PGCKA1: variants seen among roughly 807,000 people sequenced by gnomAD.
PGCKA1 encodes PDCD10 and GCKIII kinases-associated protein 1.
chr4:37,566,336 A>G, the PGCKA1 span, among the ~76,000 whole-genome samples: 1 of 151,270 alleles, frequency 6.6e-6, no homozygotes. Flanking sequence ...GCTGGAGTGC[A>G]GTGGCCTGAT....
chr4:37,567,277 A>C, the PGCKA1 span, among the ~76,000 whole-genome samples: 1 of 152,212 alleles, frequency 6.6e-6, no homozygotes, highest in Non-Finnish European at 1.5e-5. Flanking sequence ...GAAATGAGTT[A>C]ATACATGAAA....
chr4:37,495,861 A>G, the PGCKA1 span, among the ~76,000 whole-genome samples: 2 of 145,506 alleles, frequency 1.4e-5, no homozygotes, highest in Non-Finnish European at 3.0e-5. Context: ...ATAATTTAAG[A>G]AAAAAAAAAG....
chr4:37,545,012 C>T, the PGCKA1 span, among the ~76,000 whole-genome samples: 2 of 151,992 alleles, frequency 1.3e-5, no homozygotes, highest in Non-Finnish European at 2.9e-5. Flanking sequence ...TGTACCACCA[C>T]ACCTGGCTAA....
the PGCKA1 span, among the ~76,000 whole-genome samples, chr4:37,486,993 G>A: frequency 2.0e-4 from 30 of 152,278 alleles, no homozygotes; most frequent in Middle Eastern, 3.4e-3. Context: ...CACAGAGATA[G>A]CATGTATAAA....
the PGCKA1 span, among the ~76,000 whole-genome samples, chr4:37,536,836 A>C: frequency 1.3e-5 from 2 of 152,232 alleles, no homozygotes; most frequent in Non-Finnish European, 2.9e-5. Context: ...TGATAGCTTA[A>C]CCAGGATATC....
At chr4:37,591,161 G>A in the PGCKA1 span, 1 of 617,414 alleles carries the variant, frequency 1.6e-6, no homozygotes, top group Non-Finnish European at 2.8e-6. Flanking sequence ...TCTGTCCCAT[G>A]CTGCTTGTCA....
At chr4:37,512,111 A>T in the PGCKA1 span, among the ~76,000 whole-genome samples, 23 of 152,196 alleles carry the variant, frequency 1.5e-4, no homozygotes, top group African/African-American at 5.5e-4. Context: ...AGGATGGGGG[A>T]ATGGTGGTGT....
chr4:37,504,408 C>T, the PGCKA1 span, among the ~76,000 whole-genome samples: 1 of 151,800 alleles, frequency 6.6e-6, no homozygotes, highest in East Asian at 1.9e-4. Context: ...CTTGGCTACT[C>T]TAGGTCTTTT....
At chr4:37,534,661 G>C in the PGCKA1 span, among the ~76,000 whole-genome samples, 1 of 152,152 alleles carries the variant, frequency 6.6e-6, no homozygotes, top group Admixed American at 6.5e-5. Context: ...TGTCTGGCGA[G>C]GGCTTGCTGT....
chr4:37,590,208 G>A, the PGCKA1 span: 2 of 1,614,098 alleles, frequency 1.2e-6, no homozygotes, highest in Admixed American at 1.7e-5. Flanking sequence ...AAGTCTTGGT[G>A]CAGAAAAATG....
chr4:37,580,232 G>T, the PGCKA1 span, among the ~76,000 whole-genome samples: 1 of 149,540 alleles, frequency 6.7e-6, no homozygotes, highest in Admixed American at 6.6e-5. Flanking sequence ...TAAGTTTTCT[G>T]TCAGAAAAGT....
chr4:37,558,240 G>A, the PGCKA1 span, among the ~76,000 whole-genome samples: 2,142 of 152,264 alleles, frequency 0.014, 111 homozygotes, highest in East Asian at 0.14. Flanking sequence ...ACTCACTCAG[G>A]TTTGAGTAGA....
the PGCKA1 span, among the ~76,000 whole-genome samples, chr4:37,539,080 G>T: frequency 6.6e-6 from 1 of 152,146 alleles, no homozygotes; most frequent in African/African-American, 2.4e-5. Flanking sequence ...TAAGGAATCT[G>T]GGAGTGGCCA....
chr4:37,455,906 A>G, the PGCKA1 span, among the ~76,000 whole-genome samples: 2 of 152,184 alleles, frequency 1.3e-5, no homozygotes, highest in African/African-American at 4.8e-5. Flanking sequence ...ATAATTGAAT[A>G]CCAGCCTTCC....
chr4:37,483,310 C>T, the PGCKA1 span, among the ~76,000 whole-genome samples: 1 of 152,144 alleles, frequency 6.6e-6, no homozygotes, highest in Non-Finnish European at 1.5e-5. Flanking sequence ...TACCCAGTCT[C>T]GGATATGTCT....
the PGCKA1 span, among the ~76,000 whole-genome samples, chr4:37,503,441 C>A: frequency 2.6e-5 from 4 of 152,196 alleles, no homozygotes; most frequent in African/African-American, 9.7e-5. Flanking sequence ...AGCCATCTCA[C>A]CCCAAGCCAG....
At chr4:37,560,431 G>A in the PGCKA1 span, among the ~76,000 whole-genome samples, 1 of 152,080 alleles carries the variant, frequency 6.6e-6, no homozygotes, top group African/African-American at 2.4e-5. Context: ...CATTCTATAG[G>A]CCTTTACCTG....
At chr4:37,592,099 T>C in the PGCKA1 span, among the ~76,000 whole-genome samples, 1 of 151,440 alleles carries the variant, frequency 6.6e-6, no homozygotes, top group Non-Finnish European at 1.5e-5. Context: ...TCCCAGCTAC[T>C]TGGGAGGCTG....
chr4:37,492,002 A>G, the PGCKA1 span, among the ~76,000 whole-genome samples: 1 of 151,696 alleles, frequency 6.6e-6, no homozygotes, highest in African/African-American at 2.4e-5. The surrounding 1 kb of genome is among the most constrained non-coding windows in gnomAD (Gnocchi z 4.7). Flanking sequence ...CATTAAGCAA[A>G]TATGGACACA....
Sources: gnomAD v4.1 joint callset for allele counts (sites outside exome capture counted in the v4.1 genomes callset) on GRCh38, gnomAD v4.1.1 for gene constraint, Gnocchi (gnomAD v3.1) non-coding constraint, MANE v1.5 for transcripts, NCBI Gene and HGNC (gene_info 2026-07-23, HGNC 2026-07-21) for gene names.